DPP10: variants seen among roughly 807,000 people sequenced by gnomAD.
The protein encoded by DPP10 is inactive dipeptidyl peptidase 10.
In DPP10, 33 loss-of-function variants were observed where a neutral mutation model predicts 120.9. That is an observed-to-expected ratio of 0.27 (90% CI 0.21 to 0.37). DPP10 has a LOEUF of 0.37. Ranked by LOEUF, DPP10 falls within the 10% of genes least tolerant of loss-of-function variation. DPP10 has a pLI of 1.00. For synonymous variants in DPP10, 337 were observed against 326.1 expected (o/e 1.03, Z -0.36); for missense variants, 816 against 942.8 (o/e 0.87, Z 1.76).
At chr2:114,743,401 C>A in intron 1 of DPP10, among the ~76,000 whole-genome samples, 1 of 127,164 alleles carries the variant, frequency 7.9e-6, no homozygotes. Context: ...CTTTCATATC[C>A]ATACCCTTGC....
intron 1 of DPP10, among the ~76,000 whole-genome samples, chr2:114,661,799 GA>G (rs977632251): frequency 2.0e-5 from 3 of 152,172 alleles, no homozygotes; most frequent in Admixed American, 2.0e-4. Context: ...TGTGCACAGT[GA>G]TGGGGTTTTT....
intron 1 of DPP10, among the ~76,000 whole-genome samples, chr2:114,784,564 C>G (rs186705902): frequency 1.2e-4 from 18 of 152,040 alleles, no homozygotes; most frequent in African/African-American, 4.3e-4. Flanking sequence ...TTGATCCAAA[C>G]GGGCTAATCT....
chr2:114,531,101 C>T (rs977113991), intron 1 of DPP10, among the ~76,000 whole-genome samples: 79 of 152,072 alleles, frequency 5.2e-4, no homozygotes, highest in African/African-American at 1.6e-3. Flanking sequence ...TGTGTTTGCA[C>T]CCTAGACTGG....
Position 115,815,737 on chromosome 2 carries a change from G to A in DPP10, c.1950+8G>A. ...TTAAGCATTTTTGGAAAGGTAAATA[G>A]TAGAAATGCTGAATCTATCTTTTTA... On this transcript the variant is annotated splice_region_variant and intron_variant, in intron 21 of 25. Transcript: ENST00000410059. The A allele has an allele frequency of 1.3e-6, 2 of 1,593,070 alleles. No homozygotes were observed. Among genetic ancestry groups the A allele is most frequent in the Non-Finnish European group, 1.7e-6 (2 of 1,166,980 alleles).
intron 1 of DPP10, among the ~76,000 whole-genome samples, chr2:114,744,826 A>G (rs1007670813): frequency 6.6e-6 from 1 of 151,984 alleles, no homozygotes; most frequent in African/African-American, 2.4e-5. Context: ...TAGTGGCACA[A>G]TCTCGGCCCA....
At chr2:115,374,367 C>A (rs1401919151) in intron 3 of DPP10, among the ~76,000 whole-genome samples, 1 of 152,194 alleles carries the variant, frequency 6.6e-6, no homozygotes, top group Admixed American at 6.5e-5. Flanking sequence ...GGGCTCCCAA[C>A]ATCTTGGGCT....
At chr2:114,907,547 T>C (rs1265851274) in intron 1 of DPP10, among the ~76,000 whole-genome samples, 1 of 152,150 alleles carries the variant, frequency 6.6e-6, no homozygotes, top group East Asian at 1.9e-4. Context: ...TCTGTGAGCA[T>C]TGGTTACTTA....
intron 3 of DPP10, among the ~76,000 whole-genome samples, chr2:115,400,036 G>A (rs188202168): frequency 2.6e-5 from 4 of 152,248 alleles, no homozygotes; most frequent in Admixed American, 2.6e-4. Context: ...TGGAGCAGGA[G>A]CAAGAGACGG....
intron 4 of DPP10, among the ~76,000 whole-genome samples, chr2:115,517,736 C>T (rs1217743698): frequency 6.6e-6 from 1 of 151,986 alleles, no homozygotes; most frequent in Non-Finnish European, 1.5e-5. Context: ...TGCAATTAAT[C>T]CAATTCAAGA....
chr2:115,791,646 G>A (rs1465494256), intron 19 of DPP10, among the ~76,000 whole-genome samples: 1 of 152,170 alleles, frequency 6.6e-6, no homozygotes, highest in African/African-American at 2.4e-5. Flanking sequence ...CTCAAGCCCT[G>A]CGCTCTTTAT....
chr2:115,373,740 G>C (rs1451284547), intron 3 of DPP10, among the ~76,000 whole-genome samples: 1 of 151,910 alleles, frequency 6.6e-6, no homozygotes, highest in African/African-American at 2.4e-5. Flanking sequence ...AACCACCTGA[G>C]ACTGGGTAGT....
intron 1 of DPP10, among the ~76,000 whole-genome samples, chr2:115,039,145 G>C (rs986748702): frequency 1.3e-5 from 2 of 152,134 alleles, no homozygotes; most frequent in African/African-American, 2.4e-5. Context: ...AACACACTGG[G>C]TGTAGGGAAC....
chr2:115,244,182 G>A (rs1331304085), intron 1 of DPP10, among the ~76,000 whole-genome samples: 1 of 145,728 alleles, frequency 6.9e-6, no homozygotes, highest in Non-Finnish European at 1.5e-5. Flanking sequence ...ATAAAGCCCT[G>A]GCAGTCTCAG....
chr2:114,561,006 A>G (rs1362978404), intron 1 of DPP10, among the ~76,000 whole-genome samples: 1 of 152,114 alleles, frequency 6.6e-6, no homozygotes, highest in East Asian at 1.9e-4. Flanking sequence ...TCACAGCTCC[A>G]TCCAGCAGGG....
chr2:115,822,181 TTTG>T (rs1284318470), intron 21 of DPP10, among the ~76,000 whole-genome samples: 3 of 152,056 alleles, frequency 2.0e-5, no homozygotes, highest in African/African-American at 7.2e-5. Flanking sequence ...ACATAACTGA[TTTG>T]TTGACCATTC....
At chr2:114,658,901 C>T (rs1288200482) in intron 1 of DPP10, among the ~76,000 whole-genome samples, 3 of 152,186 alleles carry the variant, frequency 2.0e-5, no homozygotes, top group Non-Finnish European at 4.4e-5. Context: ...CTGTAACCCC[C>T]ACATGTCGAG....
At chr2:115,518,777 A>G (rs1038602076) in intron 4 of DPP10, among the ~76,000 whole-genome samples, 1 of 152,172 alleles carries the variant, frequency 6.6e-6, no homozygotes, top group African/African-American at 2.4e-5. Flanking sequence ...TGTAAGTATT[A>G]TGTTACACAC....
chr2:114,843,755 A>G (rs533614528), intron 1 of DPP10, among the ~76,000 whole-genome samples: 3 of 152,046 alleles, frequency 2.0e-5, no homozygotes, highest in East Asian at 1.9e-4. Context: ...TGCCTCCTCA[A>G]TGTCTTTCCT....
At chr2:115,067,863 A>G in intron 1 of DPP10, among the ~76,000 whole-genome samples, 1 of 101,470 alleles carries the variant, frequency 9.9e-6, no homozygotes. Context: ...CTCTGTCTCA[A>G]AAAAAAAAAA....
Sources: allele counts gnomAD v4.1 joint callset (sites outside exome capture counted in the v4.1 genomes callset), GRCh38; gene constraint gnomAD v4.1.1; transcripts MANE v1.5; gene names NCBI Gene and HGNC (gene_info 2026-07-23, HGNC 2026-07-21).